Variants in MYRIP observed in about 807,000 individuals in gnomAD.
MYRIP encodes myosin VIIA and Rab interacting protein.
In MYRIP, 49 loss-of-function variants were observed where a neutral mutation model predicts 98.0. That is an observed-to-expected ratio of 0.50 (90% CI 0.40 to 0.63). The LOEUF is 0.63. Among genes scored for constraint, MYRIP ranks in the 30% least tolerant of loss-of-function variants. The pLI is 0.00. For missense variants in MYRIP, 1,004 were observed against 1,058.2 expected (o/e 0.95, Z 0.71); for synonymous variants, 404 against 409.5 (o/e 0.99, Z 0.16).
chr3:40,198,645 G>A (rs1951466828), intron 10 of MYRIP, among the ~76,000 whole-genome samples: 1 of 152,112 alleles, frequency 6.6e-6, no homozygotes. Flanking sequence ...TTTGTTGATT[G>A]AGACTTCAGG....
intron 2 of MYRIP, among the ~76,000 whole-genome samples, chr3:39,921,486 G>A (rs961708942): frequency 6.6e-6 from 1 of 152,176 alleles, no homozygotes; most frequent in African/African-American, 2.4e-5. Context: ...GAGGGAGGGG[G>A]TTGAATCTTG....
intron 10 of MYRIP, among the ~76,000 whole-genome samples, chr3:40,206,214 T>C (rs944950220): frequency 6.6e-6 from 1 of 152,088 alleles, no homozygotes; most frequent in South Asian, 2.1e-4. Flanking sequence ...TATGTGTGAG[T>C]TGATAACATA....
chr3:39,859,040 A>G (rs1241469714), intron 1 of MYRIP, among the ~76,000 whole-genome samples: 1 of 151,976 alleles, frequency 6.6e-6, no homozygotes, highest in Non-Finnish European at 1.5e-5. Context: ...AATAAATATT[A>G]AAGCAGAAAT....
At chr3:39,842,681 C>T (rs1348597619) in intron 1 of MYRIP, among the ~76,000 whole-genome samples, 1 of 152,152 alleles carries the variant, frequency 6.6e-6, no homozygotes, top group Non-Finnish European at 1.5e-5. Context: ...CCTCATGGCA[C>T]AGTCCCTCAG....
intron 11 of MYRIP, among the ~76,000 whole-genome samples, chr3:40,218,493 C>G (rs1048338277): frequency 1.3e-5 from 2 of 150,666 alleles, no homozygotes; most frequent in East Asian, 3.9e-4. Context: ...AGCTACACAA[C>G]TGCATGCTTT....
chr3:39,848,604 C>T (rs1377434605), intron 1 of MYRIP, among the ~76,000 whole-genome samples: 1 of 152,170 alleles, frequency 6.6e-6, no homozygotes, highest in Non-Finnish European at 1.5e-5. Flanking sequence ...AGAAAGGAGG[C>T]TAAGCTACTT....
rs374385465 is a variant in MYRIP at position 40,210,090 on chromosome 3, G to C, written c.1902G>C (p.Lys634Asn). The C allele has an allele frequency of 6.2e-7, 1 of 1,613,638 alleles. No individual in the cohort carries two copies. Among genetic ancestry groups the C allele is most frequent in the South Asian group, 1.1e-5 (1 of 91,038 alleles). Residue 634 changes from lysine to asparagine, a missense_variant, in exon 11 of 17, where the codon AAG becomes AAC. Lys to Asn is a moderately conservative substitution (Grantham distance 94). This residue lies in a region of MYRIP where 880 missense variants were observed against 907.7 expected (regional missense o/e 0.97). Coordinates refer to ENST00000302541, the MANE Select transcript of MYRIP (RefSeq NM_015460.4). ...GCCAGAGTGTCCAGGAAGAGCTGAA[G>C]AAGGTAAGGGCTGTGAAGCCACCTG... ...DNSQSVQEELKKKFSAVSLCN... is the reference protein window; with the variant it reads ...DNSQSVQEELNKKFSAVSLCN...
intron 2 of MYRIP, among the ~76,000 whole-genome samples, chr3:40,015,210 T>G (rs900759202): frequency 6.6e-6 from 1 of 152,212 alleles, no homozygotes; most frequent in African/African-American, 2.4e-5. Context: ...AGAGTTCTAA[T>G]TGGCTTATGT....
chr3:40,012,099 A>AT (rs1361383045), intron 2 of MYRIP, among the ~76,000 whole-genome samples: 4 of 152,124 alleles, frequency 2.6e-5, no homozygotes, highest in African/African-American at 9.7e-5. Context: ...TTCTATGTGC[A>AT]TTTTTTTGTT....
intron 2 of MYRIP, among the ~76,000 whole-genome samples, chr3:39,973,942 A>G (rs1945671926): frequency 1.3e-5 from 2 of 152,208 alleles, no homozygotes; most frequent in African/African-American, 4.8e-5. Flanking sequence ...CCCACAAGAG[A>G]AAGCAGGAAA....
intron 2 of MYRIP, among the ~76,000 whole-genome samples, chr3:39,993,215 C>T (rs973289066): frequency 1.3e-5 from 2 of 152,036 alleles, no homozygotes; most frequent in Admixed American, 6.6e-5. Flanking sequence ...TATAAGGAAC[C>T]CACTCCCACA....
intron 2 of MYRIP, among the ~76,000 whole-genome samples, chr3:39,917,725 C>CG (rs1420741541): frequency 6.8e-5 from 6 of 88,590 alleles, no homozygotes; most frequent in African/African-American, 2.8e-4. Context: ...CAGATGATGC[C>CG]CAAGACCCCA....
chr3:40,241,140 T>C (rs905713120), intron 12 of MYRIP, among the ~76,000 whole-genome samples: 1 of 152,184 alleles, frequency 6.6e-6, no homozygotes, highest in Non-Finnish European at 1.5e-5. Flanking sequence ...ACCTTGAGGA[T>C]GTATGCAGGG....
rs114231032 is a variant in MYRIP, at chr3:39,962,449, G to A, written c.110+61523G>A. ...GCACTAATGGCTACATGGTCTCTGG[G>A]CTAGTTTTTTTTTTTTTTCCACTTG... On this transcript the variant is annotated intron_variant, in intron 2 of 16. Coordinates refer to ENST00000302541, the MANE Select transcript of MYRIP (RefSeq NM_015460.4). 9.8e-4 allele frequency among the ~76,000 whole-genome samples: 116 copies of A among 118,958 alleles called. 1 individual carries two copies. Among genetic ancestry groups the A allele is most frequent in the African/African-American group, 5.0e-3 (114 of 23,014 alleles). 78.0% of individuals were successfully genotyped at this position (118,958 alleles called of 152,430 possible). A position where few individuals can be genotyped will look rare whatever the true frequency, so the allele number is the denominator to read the frequency against.
At chr3:40,224,003 G>A (rs1952416952) in intron 11 of MYRIP, among the ~76,000 whole-genome samples, 1 of 152,124 alleles carries the variant, frequency 6.6e-6, no homozygotes, top group Non-Finnish European at 1.5e-5. Context: ...TTTCCAGGCA[G>A]AGGAACACAT....
intron 3 of MYRIP, among the ~76,000 whole-genome samples, chr3:40,134,856 G>C (rs957933878): frequency 2.2e-4 from 34 of 152,210 alleles, no homozygotes; most frequent in African/African-American, 8.2e-4. Flanking sequence ...CAAACAGAAA[G>C]GACATCCACA....
intron 3 of MYRIP, among the ~76,000 whole-genome samples, chr3:40,053,699 A>G (rs1341661389): frequency 1.3e-5 from 2 of 152,120 alleles, no homozygotes; most frequent in Non-Finnish European, 2.9e-5. Flanking sequence ...TATCCTCAGG[A>G]AAACAGCCTG....
chr3:39,963,315 G>C (rs1018639382), intron 2 of MYRIP, among the ~76,000 whole-genome samples: 1 of 152,112 alleles, frequency 6.6e-6, no homozygotes. Flanking sequence ...AATGAGCTAT[G>C]AACAACTCAT....
At position 40,167,469 on chromosome 3, in the gene MYRIP, G is replaced by T. The variant is rs1483140587; in HGVS notation, c.729+230G>T. On this transcript the variant is annotated intron_variant, in intron 7 of 16. Coordinates refer to ENST00000302541, the MANE Select transcript of MYRIP (RefSeq NM_015460.4). ...CCATGCCCTACGCTGTCCCTTGCAT[G>T]GTGTACCTGTCAATTACTTCTGAGA... 2.0e-5 allele frequency among the ~76,000 whole-genome samples: 3 copies of T among 152,272 alleles called. No homozygotes were observed. The East Asian group carries it at 5.8e-4, about 29-fold the overall frequency.
Sources: allele counts gnomAD v4.1 joint callset (sites outside exome capture counted in the v4.1 genomes callset), GRCh38; gene constraint gnomAD v4.1.1; regional missense constraint gnomAD v4.1.1; transcripts MANE v1.5; gene names NCBI Gene and HGNC (gene_info 2026-07-23, HGNC 2026-07-21).